Variants in RYR3 observed in about 807,000 individuals in gnomAD.
RYR3 encodes brain ryanodine receptor-calcium release channel.
In RYR3, 207 loss-of-function variants were observed where a neutral mutation model predicts 584.3. That is an observed-to-expected ratio of 0.35 (90% confidence interval 0.32 to 0.40). The LOEUF is 0.40. Ranked by LOEUF, RYR3 falls within the 10% of genes least tolerant of loss-of-function variation. The pLI is 1.00. For synonymous variants in RYR3, 2,416 were observed against 2,248.5 expected, an observed-to-expected ratio of 1.07 and a Z score of -2.11; for missense variants, 5,616 against 6,089.2, an observed-to-expected ratio of 0.92 and a Z score of 2.59.
chr15:33,483,321 C>A (rs1208823064), intron 2 of RYR3, among the ~76,000 whole-genome samples: 2 of 152,110 alleles, frequency 1.3e-5, no homozygotes, highest in African/African-American at 4.8e-5. Flanking sequence ...ACTGACTTTG[C>A]TCTTGGTTAT....
chr15:33,829,079 G>T (rs1397515919), intron 85 of RYR3, among the ~76,000 whole-genome samples: 1 of 151,998 alleles, frequency 6.6e-6, no homozygotes, highest in Non-Finnish European at 1.5e-5. Context: ...CTCTGCCCAT[G>T]CTCTATGTAT....
intron 3 of RYR3, among the ~76,000 whole-genome samples, chr15:33,511,215 G>T (rs2052958214): frequency 6.6e-6 from 1 of 150,722 alleles, no homozygotes; most frequent in Non-Finnish European, 1.5e-5. Context: ...GATGACATCA[G>T]CACTGTACTA....
At chr15:33,430,533 G>T (rs12440037) in intron 1 of RYR3, among the ~76,000 whole-genome samples, 19,938 of 152,160 alleles carry the variant, frequency 0.13, 1,553 homozygotes, top group East Asian at 0.34. Context: ...AGGCCCCTTA[G>T]AAAGAAATTT....
At chr15:33,346,246 CT>C (rs1567065722) in intron 1 of RYR3, among the ~76,000 whole-genome samples, 2 of 152,164 alleles carry the variant, frequency 1.3e-5, no homozygotes, top group African/African-American at 4.8e-5. Context: ...AAGGACATAA[CT>C]GAGAGGGAGT....
At chr15:33,609,932 T>C (rs8024940) in intron 18 of RYR3, among the ~76,000 whole-genome samples, 151,521 of 152,272 alleles carry the variant, frequency 1, 75,388 homozygotes, top group Middle Eastern at 1. Context: ...TCAACTTTGG[T>C]TCAGTTTTGT....
Position 33,613,368 on chromosome 15 carries a change from G to T in RYR3, c.2350G>T (p.Gly784Cys). The change falls in exon 19 of 104, where the codon GGT (glycine) becomes TGT (cysteine). Residue 784 changes from glycine to cysteine, a missense_variant. Physicochemically the swap from Gly to Cys is radical, Grantham distance 159. Transcript: ENST00000634891. ...LFFPVMSFSA[G>C]VKVRFLMGGR... Reference sequence around the variant, plus strand: ...CTTCCCTGTGATGAGCTTTTCAGCAGGTGTCAAGTAAGTTATGGCTGTGAT... The same window carrying T: ...CTTCCCTGTGATGAGCTTTTCAGCATGTGTCAAGTAAGTTATGGCTGTGAT... The T allele has an allele frequency of 6.3e-7, 1 of 1,598,950 alleles. No homozygotes were observed. Among genetic ancestry groups the T allele is most frequent in the African/African-American group, 1.3e-5 (1 of 74,746 alleles).
rs191294880 is a variant in RYR3, at chr15:33,826,198, A to T, written c.11147-54A>T. 1.2e-5 allele frequency: 19 copies of T among 1,559,800 alleles called. No homozygotes were observed. The East Asian group carries it at 4.0e-4, about 33-fold the overall frequency. On this transcript the variant is annotated intron_variant, in intron 82 of 103. Transcript: ENST00000634891. ...CAGTTTTAACTAAAGACAGTTTATCATGATGTTTACAGTTTTCTTACTTTC... is the reference window on the plus strand; with the variant it reads ...CAGTTTTAACTAAAGACAGTTTATCTTGATGTTTACAGTTTTCTTACTTTC...
chr15:33,609,905 T>G (rs914702367), intron 18 of RYR3, among the ~76,000 whole-genome samples: 1 of 152,132 alleles, frequency 6.6e-6, no homozygotes, highest in Non-Finnish European at 1.5e-5. Context: ...GTGAAAGATG[T>G]CAAACCTACA....
chr15:33,532,215 A>G (rs1013606124), intron 4 of RYR3, among the ~76,000 whole-genome samples: 1 of 152,200 alleles, frequency 6.6e-6, no homozygotes, highest in Non-Finnish European at 1.5e-5. Flanking sequence ...ATGAGCAGCT[A>G]TGCCCATCAG....
chr15:33,775,534 A>G lies in RYR3; in HGVS notation c.9137+1919A>G, dbSNP rs369162844. On this transcript the variant is annotated intron_variant, in intron 64 of 103. Transcript: ENST00000634891. Reference sequence around the variant, plus strand: ...AAAGTAAGCAGCTGGCCCAGGTGAGAGGTTGGTGAAACTCAGTGCATCCTA... The same window carrying G: ...AAAGTAAGCAGCTGGCCCAGGTGAGGGGTTGGTGAAACTCAGTGCATCCTA... Among the ~76,000 whole-genome samples, 7 of 152,212 alleles carry G rather than the reference A, an allele frequency of 4.6e-5. No homozygotes were observed. In the East Asian group the frequency reaches 9.7e-4, roughly 21 times the overall value.
Position 33,628,487 on chromosome 15 carries a change from A to G in RYR3, c.2591A>G (p.His864Arg). The G allele has an allele frequency of 6.2e-7, 1 of 1,612,024 alleles. No homozygotes were observed. The highest frequency in any genetic ancestry group is 8.5e-7 in the Non-Finnish European group (1 of 1,178,160). ...VDTSQVILPP[H>R]LEKIRDRLAE... is the part of the protein sequence containing the mutation. ...TTCCTTTAGGTTATTTTGCCACCTCACCTAGAAAAGATCCGAGACAGACTA... is the reference window on the plus strand; with the variant it reads ...TTCCTTTAGGTTATTTTGCCACCTCGCCTAGAAAAGATCCGAGACAGACTA... The change falls in exon 21 of 104, where the codon CAC becomes CGC. Residue 864 changes from histidine (H) to arginine (R), a missense_variant. By Grantham distance (29) the His-to-Arg change is conservative. Transcript: ENST00000634891.
intron 46 of RYR3, among the ~76,000 whole-genome samples, chr15:33,728,444 A>C (rs2068644886): frequency 6.6e-6 from 1 of 152,250 alleles, no homozygotes; most frequent in African/African-American, 2.4e-5. Flanking sequence ...CATGTTTAAC[A>C]ACTGGCTGGA....
At chr15:33,790,820 A>G (rs1301309878) in intron 67 of RYR3, among the ~76,000 whole-genome samples, 2 of 152,194 alleles carry the variant, frequency 1.3e-5, no homozygotes, top group African/African-American at 4.8e-5. Context: ...AGGAACAGCA[A>G]ATGAGACTGA....
intron 1 of RYR3, among the ~76,000 whole-genome samples, chr15:33,410,006 C>T (rs533337790): frequency 6.6e-6 from 1 of 152,102 alleles, no homozygotes; most frequent in Non-Finnish European, 1.5e-5. Context: ...AGGCATAAAC[C>T]CCAAAGAACA....
intron 1 of RYR3, among the ~76,000 whole-genome samples, chr15:33,407,096 G>A (rs1023254807): frequency 1.3e-5 from 2 of 152,186 alleles, no homozygotes; most frequent in Non-Finnish European, 1.5e-5. Context: ...TACACGTGGT[G>A]GAAGGGACAG....
At chr15:33,834,912 G>A in intron 86 of RYR3, 56 bp from the exon 87 acceptor site, 1 of 1,418,496 alleles carries the variant, frequency 7.0e-7, no homozygotes. Flanking sequence ...TTACTAGACA[G>A]GTTTCAGAGC....
At chr15:33,855,083 T>G (rs2079509183) in intron 98 of RYR3, 171 bp downstream of exon 98, 3 of 530,234 alleles carry the variant, frequency 5.7e-6, no homozygotes, top group Non-Finnish European at 8.9e-6. Flanking sequence ...TTGTAGCCAA[T>G]TAAAAATGTA....
intron 1 of RYR3, among the ~76,000 whole-genome samples, chr15:33,443,587 T>C (rs2046396554): frequency 6.6e-6 from 1 of 152,134 alleles, no homozygotes; most frequent in South Asian, 2.1e-4. Flanking sequence ...GTTGCTTACC[T>C]AGGACAGTAC....
At chr15:33,642,457 A>C (rs2061884302) in intron 27 of RYR3, among the ~76,000 whole-genome samples, 2 of 152,236 alleles carry the variant, frequency 1.3e-5, no homozygotes, top group Admixed American at 1.3e-4. Context: ...TCTTGAGATT[A>C]GGTATGATTT....
Sources: gnomAD v4.1 joint callset for allele counts (sites outside exome capture counted in the v4.1 genomes callset) on GRCh38, gnomAD v4.1.1 for gene constraint, MANE v1.5 for transcripts, NCBI Gene and HGNC (gene_info 2026-07-23, HGNC 2026-07-21) for gene names.